Variants in PCDH15 observed in about 807,000 individuals in gnomAD.
PCDH15 encodes protocadherin related 15.
Under a neutral mutation model 178.5 loss-of-function variants are expected in PCDH15, and 129 were observed. The ratio of observed to expected loss-of-function variants is 0.72; its 90% CI spans 0.63 to 0.84. The LOEUF (loss-of-function observed/expected upper bound fraction) is 0.84. Ranked by LOEUF, PCDH15 falls within the 40% of genes least tolerant of loss-of-function variation. The pLI, the probability that PCDH15 is intolerant of heterozygous loss-of-function variation, is 0.00. For missense variants in PCDH15, 2,230 were observed against 2,099.9 expected, an observed-to-expected ratio of 1.06 and a Z score of -1.21; for synonymous variants, 800 against 732.0, an observed-to-expected ratio of 1.09 and a Z score of -1.50.
chr10:55,233,328 G>A (rs1448223675), intron 1 of PCDH15, among the ~76,000 whole-genome samples: 2 of 151,946 alleles, frequency 1.3e-5, no homozygotes, highest in African/African-American at 4.8e-5. Flanking sequence ...ACACTTTTCG[G>A]TGTATGTTTA....
At chr10:54,365,790 T>C (rs548759939) in intron 5 of PCDH15, among the ~76,000 whole-genome samples, 2 of 152,244 alleles carry the variant, frequency 1.3e-5, no homozygotes, top group East Asian at 1.9e-4. Context: ...TACTTCAATG[T>C]CTTATGTCTT....
intron 3 of PCDH15, among the ~76,000 whole-genome samples, chr10:54,473,381 G>A (rs1038588677): frequency 3.9e-5 from 6 of 152,066 alleles, no homozygotes; most frequent in Non-Finnish European, 5.9e-5. Flanking sequence ...TTAGGACTGA[G>A]AAATACTAGG....
intron 4 of PCDH15, among the ~76,000 whole-genome samples, chr10:54,375,898 A>ATT (rs201891361): frequency 7.2e-6 from 1 of 139,570 alleles, no homozygotes; most frequent in African/African-American, 2.7e-5. Flanking sequence ...TATATATATA[A>ATT]TTTTTTTTCT....
rs1013135250 is a variant in PCDH15 at position 54,950,249 on chromosome 10, T to C, written c.-79-52749A>G. Among the ~76,000 whole-genome samples the C allele has an allele frequency of 1.2e-4, 19 of 152,056 alleles. No homozygotes were observed. The East Asian group carries it at 3.5e-3, about 28-fold the overall frequency. On this transcript the variant is annotated intron_variant, in intron 2 of 5. Coordinates refer to the PCDH15 transcript ENST00000458638. Reference sequence around the variant, plus strand: ...AGAAGTCAAAGGGGGAAGCAAGGCATCTTCTTCACAAGGCAGCAGTAAACA... The same window carrying C: ...AGAAGTCAAAGGGGGAAGCAAGGCACCTTCTTCACAAGGCAGCAGTAAACA...
intron 3 of PCDH15, among the ~76,000 whole-genome samples, chr10:54,891,379 G>T (rs541651832): frequency 6.6e-6 from 1 of 152,092 alleles, no homozygotes; most frequent in East Asian, 1.9e-4. Context: ...CTACTTTAGC[G>T]CAAAAGCAAC....
intron 3 of PCDH15, among the ~76,000 whole-genome samples, chr10:54,825,670 T>C (rs893666838): frequency 7.2e-5 from 11 of 151,964 alleles, no homozygotes; most frequent in African/African-American, 2.4e-4. Flanking sequence ...CATAAATGTC[T>C]TCTTTTGAGA....
intron 1 of PCDH15, among the ~76,000 whole-genome samples, chr10:54,751,503 C>T (rs558811871): frequency 4.3e-4 from 66 of 152,222 alleles, no homozygotes; most frequent in African/African-American, 1.4e-3. Context: ...GCACAAAGAG[C>T]TCAGAAATTT....
chr10:55,460,984 C>A (rs932284644), intron 2 of PCDH15, among the ~76,000 whole-genome samples: 3 of 152,024 alleles, frequency 2.0e-5, no homozygotes, highest in Admixed American at 6.6e-5. Context: ...TGTATTCTAC[C>A]CCAAACCACC....
chr10:55,211,928 A>G (rs761165340), intron 1 of PCDH15, among the ~76,000 whole-genome samples: 1 of 148,376 alleles, frequency 6.7e-6, no homozygotes, highest in Non-Finnish European at 1.5e-5. Context: ...AACAAAAAGC[A>G]GCCCCCCAAA....
At chr10:54,948,337 T>A (rs2131871349) in intron 2 of PCDH15, among the ~76,000 whole-genome samples, 1 of 152,088 alleles carries the variant, frequency 6.6e-6, no homozygotes, top group East Asian at 1.9e-4. Context: ...CCCCTTAGTT[T>A]TTTTATTCTA....
intron 35 of PCDH15, among the ~76,000 whole-genome samples, chr10:53,812,796 A>G (rs2075920026): frequency 6.6e-6 from 1 of 152,274 alleles, no homozygotes; most frequent in South Asian, 2.1e-4. Flanking sequence ...AGGGGGGAAA[A>G]GGATAGGTAC....
At chr10:55,071,793 C>G (rs903462492) in intron 2 of PCDH15, among the ~76,000 whole-genome samples, 1 of 152,140 alleles carries the variant, frequency 6.6e-6, no homozygotes, top group Non-Finnish European at 1.5e-5. Context: ...AGAGAATATA[C>G]ATTTTTTTCA....
chr10:54,124,532 T>C (rs1018111049), intron 15 of PCDH15, among the ~76,000 whole-genome samples: 2 of 152,288 alleles, frequency 1.3e-5, no homozygotes, highest in East Asian at 1.9e-4. Flanking sequence ...ATTTGCCAGA[T>C]GAACAAGATG....
At chr10:55,139,361 C>T (rs543556827) in intron 2 of PCDH15, among the ~76,000 whole-genome samples, 52 of 138,668 alleles carry the variant, frequency 3.7e-4, no homozygotes, top group Non-Finnish European at 6.3e-4. Flanking sequence ...CTTTGCCTAG[C>T]CCTAGATCTT....
At chr10:55,130,567 C>A (rs969883987) in intron 2 of PCDH15, among the ~76,000 whole-genome samples, 1 of 151,986 alleles carries the variant, frequency 6.6e-6, no homozygotes, top group Non-Finnish European at 1.5e-5. Flanking sequence ...ATTATTTAAC[C>A]TTCTTGTAAG....
intron 2 of PCDH15, among the ~76,000 whole-genome samples, chr10:55,041,030 T>C (rs1227451487): frequency 6.6e-6 from 1 of 152,108 alleles, no homozygotes; most frequent in Admixed American, 6.6e-5. Flanking sequence ...TATTTTCTCA[T>C]ACTATTAAAC....
intron 2 of PCDH15, among the ~76,000 whole-genome samples, chr10:54,654,349 TA>T (rs1174657247): frequency 4.0e-5 from 6 of 151,506 alleles, no homozygotes; most frequent in African/African-American, 1.2e-4. Context: ...CAGACAAAAG[TA>T]AAAAGTACTA....
intron 2 of PCDH15, among the ~76,000 whole-genome samples, chr10:55,588,017 A>C (rs1441164058): frequency 6.6e-6 from 1 of 152,170 alleles, no homozygotes; most frequent in Non-Finnish European, 1.5e-5. Flanking sequence ...GGTATAACCT[A>C]GTGTGTGAGT....
At chr10:55,582,405 TC>T (rs1026747068) in intron 2 of PCDH15, among the ~76,000 whole-genome samples, 43 of 151,848 alleles carry the variant, frequency 2.8e-4, no homozygotes, top group Non-Finnish European at 4.4e-5. Flanking sequence ...AAAAGAAAGG[TC>T]TATATGCACA....
Sources: gnomAD v4.1 joint callset for allele counts (sites outside exome capture counted in the v4.1 genomes callset) on GRCh38, gnomAD v4.1.1 for gene constraint, MANE v1.5 for transcripts, NCBI Gene and HGNC (gene_info 2026-07-23, HGNC 2026-07-21) for gene names.